The following ZFAND3 variants were observed in gnomAD, a reference collection of about 807,000 sequenced individuals.
ZFAND3 encodes the protein AN1-type zinc finger protein 3.
ZFAND3 carries 10 observed loss-of-function variants against 29.6 expected under a neutral mutation model. The ratio of observed to expected loss-of-function variants is 0.34; its 90% CI spans 0.21 to 0.57. The LOEUF (loss-of-function observed/expected upper bound fraction) is 0.57, where lower values mean the gene tolerates loss of function less well. Ranked by LOEUF, ZFAND3 falls within the 20% of genes least tolerant of loss-of-function variation. The pLI, the probability that ZFAND3 is intolerant of heterozygous loss-of-function variation, is 0.86. For synonymous variants in ZFAND3, 128 were observed against 112.6 expected (o/e 1.14, Z -0.87); for missense variants, 230 against 304.5 (o/e 0.76, Z 1.82).
chr6:38,033,669 C>G (rs1763606064), intron 2 of ZFAND3, among the ~76,000 whole-genome samples: 1 of 152,130 alleles, frequency 6.6e-6, no homozygotes, highest in Non-Finnish European at 1.5e-5. Flanking sequence ...ATGTCAGTGC[C>G]TATAATTGAC....
chr6:38,022,348 C>CAGGA (rs1359642487), intron 2 of ZFAND3, among the ~76,000 whole-genome samples: 1 of 152,222 alleles, frequency 6.6e-6, no homozygotes, highest in Non-Finnish European at 1.5e-5. Context: ...GTTTCACCAA[C>CAGGA]AGGAAGCCTG....
rs74377434 is a variant in ZFAND3, at chr6:38,136,062, G to A, written c.530-16173G>A. 0.017 allele frequency among the ~76,000 whole-genome samples: 2,530 copies of A among 152,304 alleles called. 253 individuals are homozygous for A. The East Asian group carries it at 0.28, about 17-fold the overall frequency. Reference sequence around the variant, plus strand: ...CTGGAAATGGAGGCGGGGCAAAAATGGAGGTGTGATGGTGGGTGTGGGAAG... The same window carrying A: ...CTGGAAATGGAGGCGGGGCAAAAATAGAGGTGTGATGGTGGGTGTGGGAAG... On this transcript the variant is annotated intron_variant, in intron 5 of 5. Coordinates refer to ENST00000287218, the MANE Select transcript of ZFAND3 (RefSeq NM_021943.3).
chr6:38,040,308 A>G (rs372144464), intron 2 of ZFAND3, among the ~76,000 whole-genome samples: 1 of 152,316 alleles, frequency 6.6e-6, no homozygotes, highest in African/African-American at 2.4e-5. Context: ...TAAAAGTACT[A>G]TCTTAACAAT....
chr6:38,152,546 G>A lies in ZFAND3; in HGVS notation c.*157G>A, dbSNP rs1381738083. On this transcript the variant is annotated 3_prime_UTR_variant, in exon 6 of 6. Transcript: ENST00000287218. ...AGCCATCCTGGTACTGTAGTTTAGG[G>A]GTTGATGGTGGTTGAAATTGATTTC... The A allele has an allele frequency of 7.7e-7, 1 of 1,293,004 alleles. No individual in the cohort carries two copies. Among genetic ancestry groups the A allele is most frequent in the African/African-American group, 1.5e-5 (1 of 66,038 alleles). 80.1% of individuals were successfully genotyped at this position (1,293,004 alleles called of 1,614,324 possible).
At chr6:37,855,765 T>C (rs1764370460) in intron 1 of ZFAND3, among the ~76,000 whole-genome samples, 1 of 152,210 alleles carries the variant, frequency 6.6e-6, no homozygotes, top group Non-Finnish European at 1.5e-5. Flanking sequence ...TAGACCTTCA[T>C]GTACTTTGCA....
intron 1 of ZFAND3, among the ~76,000 whole-genome samples, chr6:37,928,229 A>G (rs1761525950): frequency 6.6e-6 from 1 of 152,184 alleles, no homozygotes; most frequent in African/African-American, 2.4e-5. Flanking sequence ...CATGGGGCAA[A>G]CAATCAGCAT....
At chr6:37,946,845 C>T (rs1761912385) in intron 2 of ZFAND3, among the ~76,000 whole-genome samples, 1 of 151,964 alleles carries the variant, frequency 6.6e-6, no homozygotes, top group Admixed American at 6.6e-5. Flanking sequence ...TTCATAGAGA[C>T]AAATAGAATG....
chr6:37,967,414 A>G lies in ZFAND3; in HGVS notation c.112+37415A>G, dbSNP rs372448995. On this transcript the variant is annotated intron_variant, in intron 2 of 5. Coordinates refer to ENST00000287218, the MANE Select transcript of ZFAND3 (RefSeq NM_021943.3). ...TCTAAGCTCACCTTGTACTTTCTGC[A>G]TCCCAGCCCTAGATAATCAGTCATT... Among the ~76,000 whole-genome samples the G allele has an allele frequency of 3.9e-5, 6 of 152,292 alleles. 1 individual carries two copies. Among genetic ancestry groups the G allele is most frequent in the African/African-American group, 1.4e-4 (6 of 41,550 alleles).
chr6:38,142,121 T>C (rs1765969775), intron 5 of ZFAND3: 1 of 457,474 alleles, frequency 2.2e-6, no homozygotes, highest in Non-Finnish European at 4.5e-6. Flanking sequence ...TTAAGGGACT[T>C]GCTGTGGAAG....
chr6:37,842,964 A>G (rs766698177), intron 1 of ZFAND3, among the ~76,000 whole-genome samples: 8 of 151,884 alleles, frequency 5.3e-5, no homozygotes, highest in Non-Finnish European at 1.2e-4. Context: ...TCTACTAAAA[A>G]TACAAAAATT....
At chr6:38,114,149 T>C (rs1418608657) in intron 4 of ZFAND3, among the ~76,000 whole-genome samples, 1 of 152,226 alleles carries the variant, frequency 6.6e-6, no homozygotes, top group Non-Finnish European at 1.5e-5. Flanking sequence ...AATTTAGGAC[T>C]TTGTCTCAGA....
At chr6:37,933,877 T>C (rs1761643195) in intron 2 of ZFAND3, among the ~76,000 whole-genome samples, 1 of 146,912 alleles carries the variant, frequency 6.8e-6, no homozygotes, top group African/African-American at 2.5e-5. Context: ...AGGATCTCTC[T>C]CTCTCATTTT....
intron 2 of ZFAND3, among the ~76,000 whole-genome samples, chr6:37,932,260 CA>C (rs11322267): frequency 0.53 from 76,968 of 145,470 alleles, 19,946 homozygotes; most frequent in African/African-American, 0.56. Context: ...GACTCTGTCT[CA>C]AAAAAAAAAA....
intron 2 of ZFAND3, among the ~76,000 whole-genome samples, chr6:37,946,121 G>T (rs1280940259): frequency 6.6e-6 from 1 of 152,170 alleles, no homozygotes; most frequent in Non-Finnish European, 1.5e-5. Flanking sequence ...CATTGTGGAG[G>T]TTCAGAGTGA....
intron 1 of ZFAND3, among the ~76,000 whole-genome samples, chr6:37,921,860 A>G (rs989427601): frequency 1.3e-5 from 2 of 150,706 alleles, no homozygotes; most frequent in African/African-American, 4.9e-5. Flanking sequence ...TGCCTGGGCA[A>G]CATGGCAAAA....
At chr6:38,071,440 C>G (rs1171764769) in intron 3 of ZFAND3, among the ~76,000 whole-genome samples, 1 of 151,880 alleles carries the variant, frequency 6.6e-6, no homozygotes, top group Non-Finnish European at 1.5e-5. Context: ...AGTGGATAAC[C>G]AGTTATGCAA....
intron 2 of ZFAND3, among the ~76,000 whole-genome samples, chr6:37,943,701 C>T (rs1436005819): frequency 2.0e-5 from 3 of 151,994 alleles, no homozygotes; most frequent in African/African-American, 4.8e-5. Context: ...AGTGCGAATC[C>T]CATTAATCAT....
At position 37,983,751 on chromosome 6, in the gene ZFAND3, GC is replaced by G. The variant is rs1364931362; in HGVS notation, c.112+53755del. Among the ~76,000 whole-genome samples, 8 of 145,628 alleles carry G rather than the reference GC, an allele frequency of 5.5e-5. No individual in the cohort carries two copies. The Admixed American group carries it at 5.6e-4, about 10-fold the overall frequency. ...TCACAAATACCTTTGTTTTATAATT[GC>G]CCACAGTATTCAGTACAGTAACATG... On this transcript the variant is annotated intron_variant, in intron 2 of 5. Transcript: ENST00000287218.
Position 37,899,278 on chromosome 6 carries a change from T to C in ZFAND3, c.72-30681T>C, listed in dbSNP as rs1196201566. 5.3e-5 allele frequency among the ~76,000 whole-genome samples: 8 copies of C among 152,346 alleles called. No individual in the cohort carries two copies. In the South Asian group the frequency reaches 1.0e-3, roughly 20 times the overall value. On this transcript the variant is annotated intron_variant, in intron 1 of 5. Coordinates refer to ENST00000287218, the MANE Select transcript of ZFAND3 (RefSeq NM_021943.3). ...AATCTTTTTGATTCTTATTTGACTT[T>C]CCTTGCTTAATTCCACTTGCTAGAA...
Sources: gnomAD v4.1 joint callset for allele counts (sites outside exome capture counted in the v4.1 genomes callset) on GRCh38, gnomAD v4.1.1 for gene constraint, MANE v1.5 for transcripts, NCBI Gene and HGNC (gene_info 2026-07-23, HGNC 2026-07-21) for gene names.